Variants in RAPGEF2 observed in about 807,000 individuals in gnomAD.
The protein encoded by RAPGEF2 is PDZ domain containing guanine nucleotide exchange factor (GEF) 1.
RAPGEF2 carries 54 observed loss-of-function variants against 186.7 expected under a neutral mutation model. That is an observed-to-expected ratio of 0.29 (90% confidence interval 0.23 to 0.36). RAPGEF2 has a LOEUF of 0.36. Ranked by LOEUF, RAPGEF2 falls within the 10% of genes least tolerant of loss-of-function variation. The pLI is 1.00. For synonymous variants in RAPGEF2, 712 were observed against 705.9 expected, an observed-to-expected ratio of 1.01 and a Z score of -0.14; for missense variants, 1,532 against 2,045.0, an observed-to-expected ratio of 0.75 and a Z score of 4.84.
At chr4:159,104,948 G>A (rs77024063) in intron 1 of RAPGEF2, among the ~76,000 whole-genome samples, 3,668 of 152,296 alleles carry the variant, frequency 0.024, 137 homozygotes, top group African/African-American at 0.083. Flanking sequence ...GCATGTTCCA[G>A]TACACCCTCG....
chr4:159,142,503 A>G (rs1000718504), intron 1 of RAPGEF2, among the ~76,000 whole-genome samples: 2 of 151,484 alleles, frequency 1.3e-5, no homozygotes, highest in Non-Finnish European at 2.9e-5. Flanking sequence ...ACTTACCAGA[A>G]TACTTCATGG....
intron 1 of RAPGEF2, among the ~76,000 whole-genome samples, chr4:159,156,357 A>G (rs1172203739): frequency 6.6e-6 from 1 of 152,214 alleles, no homozygotes; most frequent in South Asian, 2.1e-4. Flanking sequence ...AACAATTTTT[A>G]TAACACAACT....
chr4:159,222,635 C>T (rs574024262), intron 4 of RAPGEF2, among the ~76,000 whole-genome samples: 24 of 152,236 alleles, frequency 1.6e-4, no homozygotes, highest in Admixed American at 3.9e-4. Flanking sequence ...GTCTGTGCCC[C>T]GGTTGTTTTT....
At chr4:159,325,335 T>C (rs142939556) in intron 11 of RAPGEF2, among the ~76,000 whole-genome samples, 1 of 152,278 alleles carries the variant, frequency 6.6e-6, no homozygotes, top group East Asian at 1.9e-4. Flanking sequence ...AGTTATGTGG[T>C]ATAATAGAGG....
rs7681009 is a variant in RAPGEF2, at chr4:159,348,242, A to G, written c.3712+1244A>G. 2.0e-3 allele frequency among the ~76,000 whole-genome samples: 291 copies of G among 145,062 alleles called. No homozygotes were observed. In the South Asian group the frequency reaches 0.027, roughly 13 times the overall value. ...TCGATAGATAGATAGATAGATAGAT[A>G]GATGGATGGATGGATGGATGGATGG... is the stretch of plus-strand genomic sequence containing the variant. On this transcript the variant is annotated intron_variant, in intron 25 of 29. Transcript: ENST00000691494.
intron 1 of RAPGEF2, 100 bp from the exon 2 acceptor site, chr4:159,186,542 C>A: frequency 2.0e-6 from 1 of 511,726 alleles, no homozygotes; most frequent in Non-Finnish European, 3.3e-6. Context: ...TTTAAAAAAG[C>A]TATCCATAGT....
intron 4 of RAPGEF2, among the ~76,000 whole-genome samples, chr4:159,230,196 T>C (rs1004555645): frequency 1.3e-5 from 2 of 152,214 alleles, no homozygotes; most frequent in Non-Finnish European, 2.9e-5. Flanking sequence ...CACCTTTTCC[T>C]ACTTTATGGC....
intron 7 of RAPGEF2, among the ~76,000 whole-genome samples, chr4:159,293,121 G>GTC (rs1202219015): frequency 6.6e-6 from 1 of 151,932 alleles, no homozygotes; most frequent in Non-Finnish European, 1.5e-5. Flanking sequence ...TATATATTTT[G>GTC]TATACATGTC....
rs1278565496 is a variant in RAPGEF2, at chr4:159,346,795, A to G, written c.3509A>G (p.Lys1170Arg). Residue 1170 changes from lysine to arginine, a missense_variant, in exon 25 of 30, where the codon AAG becomes AGG. This residue lies in a region of RAPGEF2 where 117 missense variants were observed against 180.8 expected (regional missense o/e 0.65). Transcript: ENST00000691494. ...AAACCCAAACAATTATCAGTGCCTA[A>G]GAATCCTGGTGACAAAAAGCCTGTC... ...QCEPATNTLP[K>R]NPGDKKPVKS... The G allele has an allele frequency of 6.2e-7, 1 of 1,613,878 alleles. No individual in the cohort carries two copies. Among genetic ancestry groups the G allele is most frequent in the Non-Finnish European group, 8.5e-7 (1 of 1,179,902 alleles).
At chr4:159,237,847 A>T (rs903257431) in intron 4 of RAPGEF2, among the ~76,000 whole-genome samples, 14 of 46,958 alleles carry the variant, frequency 3.0e-4, no homozygotes, top group Admixed American at 7.1e-4. Context: ...AAAATTAAAA[A>T]AAAAAAAAAA....
In RAPGEF2 at chr4:159,345,381, T is replaced by C. The variant is rs1018316191; in HGVS notation, c.3502+52T>C. 3.8e-6 allele frequency: 6 copies of C among 1,560,160 alleles called. No homozygotes were observed. In the African/African-American group the frequency reaches 6.8e-5, roughly 18 times the overall value. ...GACTTTGGCTAGGATGCAGATTTGT[T>C]TCCTGTGCAGTGGTATGGGCAGTGA... On this transcript the variant is annotated intron_variant, in intron 24 of 29. Transcript: ENST00000691494.
At position 159,250,665 on chromosome 4, in the gene RAPGEF2, CTTTTTTTTTTT is replaced by C. The variant is rs34304252; in HGVS notation, c.543+6885_543+6895del. Among the ~76,000 whole-genome samples, 492 of 123,038 alleles carry C rather than the reference CTTTTTTTTTTT, an allele frequency of 4.0e-3. 3 individuals are homozygous for C. Among genetic ancestry groups the C allele is most frequent in the African/African-American group, 0.014 (445 of 31,466 alleles). 80.7% of individuals were successfully genotyped at this position (123,038 alleles called of 152,430 possible). On this transcript the variant is annotated intron_variant, in intron 7 of 29. Transcript: ENST00000691494. Reference sequence around the variant, plus strand: ...CCTTTCACCAATTATTAGCACTCTTCTTTTTTTTTTTTTTTTTTTTTGGGACAGGGTCTCTT... The same window carrying C: ...CCTTTCACCAATTATTAGCACTCTTCTTTTTTTTTTGGGACAGGGTCTCTT...
intron 3 of RAPGEF2, among the ~76,000 whole-genome samples, chr4:159,198,908 C>T (rs1367573195): frequency 2.0e-5 from 3 of 151,378 alleles, no homozygotes; most frequent in Non-Finnish European, 4.4e-5. Flanking sequence ...GGCGAAACCC[C>T]ATCTCTACTA....
chr4:159,270,232 A>T (rs1003564222), intron 7 of RAPGEF2, among the ~76,000 whole-genome samples: 1 of 152,182 alleles, frequency 6.6e-6, no homozygotes, highest in African/African-American at 2.4e-5. Flanking sequence ...CTTTGGTTCT[A>T]TTGAGTTTGC....
intron 6 of RAPGEF2, among the ~76,000 whole-genome samples, chr4:159,242,862 G>A (rs1754173527): frequency 6.6e-6 from 1 of 151,920 alleles, no homozygotes; most frequent in Non-Finnish European, 1.5e-5. Flanking sequence ...CTTTGGAATT[G>A]TTTTTCCAGA....
At chr4:159,332,063 C>G in intron 16 of RAPGEF2, 29 bp downstream of exon 16, 1 of 1,431,654 alleles carries the variant, frequency 7.0e-7, no homozygotes, top group Non-Finnish European at 9.6e-7. Context: ...TTTCATTTTT[C>G]TCCTTTTGGC....
intron 4 of RAPGEF2, among the ~76,000 whole-genome samples, chr4:159,213,281 T>C (rs971077018): frequency 5.3e-5 from 8 of 152,216 alleles, no homozygotes; most frequent in Admixed American, 3.9e-4. Context: ...TATATATTTC[T>C]CTTCCCAGAA....
intron 4 of RAPGEF2, among the ~76,000 whole-genome samples, chr4:159,218,708 A>G (rs1055387899): frequency 3.3e-5 from 5 of 152,182 alleles, no homozygotes; most frequent in African/African-American, 1.2e-4. Flanking sequence ...CAGTGAGCCA[A>G]GATCACGCCA....
intron 13 of RAPGEF2, 128 bp downstream of exon 13, chr4:159,330,626 CAAA>C: frequency 4.3e-6 from 2 of 468,508 alleles, no homozygotes; most frequent in East Asian, 4.0e-5. Flanking sequence ...AATTCTGAAG[CAAA>C]AAAAAACAAA....
Sources: gnomAD v4.1 joint callset for allele counts (sites outside exome capture counted in the v4.1 genomes callset) on GRCh38, gnomAD v4.1.1 for gene constraint, gnomAD v4.1.1 regional missense constraint, MANE v1.5 for transcripts, NCBI Gene and HGNC (gene_info 2026-07-23, HGNC 2026-07-21) for gene names.